Variants in BRINP3 observed in about 807,000 individuals in gnomAD.
BRINP3 encodes the protein BMP/retinoic acid inducible neural specific 3.
In BRINP3, 19 loss-of-function variants were observed where a neutral mutation model predicts 71.0. The ratio of observed to expected loss-of-function variants is 0.27; its 90% CI spans 0.19 to 0.39. BRINP3 has a LOEUF of 0.39. Among genes scored for constraint, BRINP3 ranks in the 10% least tolerant of loss-of-function variants. The pLI is 1.00. For missense variants in BRINP3, 959 were observed against 940.8 expected (o/e 1.02, Z -0.25); for synonymous variants, 380 against 337.7 (o/e 1.13, Z -1.37).
At chr1:190,357,741 T>A (rs1668832057) in intron 2 of BRINP3, among the ~76,000 whole-genome samples, 1 of 151,930 alleles carries the variant, frequency 6.6e-6, no homozygotes, top group Non-Finnish European at 1.5e-5. Flanking sequence ...TGGCATTGAA[T>A]CTATAAATTA....
chr1:190,356,623 C>A (rs894076651), intron 2 of BRINP3, among the ~76,000 whole-genome samples: 14 of 152,036 alleles, frequency 9.2e-5, no homozygotes, highest in Non-Finnish European at 1.8e-4. Flanking sequence ...AGACCTCCTG[C>A]CTCTCTTTTT....
At chr1:190,325,766 G>T (rs1666540021) in intron 2 of BRINP3, among the ~76,000 whole-genome samples, 1 of 151,970 alleles carries the variant, frequency 6.6e-6, no homozygotes, top group South Asian at 2.1e-4. Context: ...CATTTGCACT[G>T]CCCTTATCCA....
At chr1:190,205,027 A>T (rs1655373037) in intron 6 of BRINP3, among the ~76,000 whole-genome samples, 2 of 151,318 alleles carry the variant, frequency 1.3e-5, no homozygotes, top group African/African-American at 4.8e-5. Flanking sequence ...GATGTATGTA[A>T]CTTCTGAGCA....
chr1:190,195,550 C>T (rs1341435051), intron 6 of BRINP3, among the ~76,000 whole-genome samples: 4 of 151,904 alleles, frequency 2.6e-5, no homozygotes, highest in Non-Finnish European at 4.4e-5. Flanking sequence ...AACATTGACA[C>T]ATTTATTCAC....
chr1:190,213,747 G>A (rs962376105), intron 6 of BRINP3, among the ~76,000 whole-genome samples: 1 of 151,864 alleles, frequency 6.6e-6, no homozygotes, highest in Non-Finnish European at 1.5e-5. Flanking sequence ...TAATAAAATT[G>A]CACAATTGAA....
chr1:190,177,369 G>A (rs1652635590), intron 6 of BRINP3, among the ~76,000 whole-genome samples: 2 of 141,198 alleles, frequency 1.4e-5, no homozygotes, highest in Admixed American at 7.2e-5. Context: ...TAGTAGAGAC[G>A]GGGTTTCACC....
intron 7 of BRINP3, among the ~76,000 whole-genome samples, chr1:190,117,549 G>T (rs918230194): frequency 1.3e-5 from 2 of 151,772 alleles, no homozygotes; most frequent in Non-Finnish European, 2.9e-5. Context: ...GTTAGGTTGG[G>T]GAAGCAGGTG....
chr1:190,381,631 A>C (rs914625729), intron 2 of BRINP3, among the ~76,000 whole-genome samples: 2 of 152,168 alleles, frequency 1.3e-5, no homozygotes, highest in African/African-American at 2.4e-5. Context: ...CCAAATCATA[A>C]AAATATTCAT....
chr1:190,446,801 GAA>G (rs1036137491), intron 2 of BRINP3, among the ~76,000 whole-genome samples: 15 of 151,978 alleles, frequency 9.9e-5, no homozygotes, highest in Admixed American at 6.6e-4. Flanking sequence ...AGACAGAAAA[GAA>G]TACATGCCTC....
In BRINP3 at chr1:190,205,169, T is replaced by C. The variant is rs543244451; in HGVS notation, c.961+20913A>G. ...CAGATGGGTAGGAGGCAGACACCAG[T>C]TGATCTGCAACATCCATGTACTATA... is the stretch of plus-strand genomic sequence containing the variant. On this transcript the variant is annotated intron_variant, in intron 6 of 7. Transcript: ENST00000367462. Among the ~76,000 whole-genome samples the C allele has an allele frequency of 1.5e-4, 23 of 152,134 alleles. No homozygotes were observed. In the South Asian group the frequency reaches 3.1e-3, roughly 21 times the overall value.
rs531477505 is a variant in BRINP3 at position 190,340,313 on chromosome 1, TA to T, written c.237-58564del. 6.0e-3 allele frequency among the ~76,000 whole-genome samples: 909 copies of T among 152,064 alleles called. 16 individuals are homozygous for T. Among genetic ancestry groups the T allele is most frequent in the African/African-American group, 0.02 (847 of 41,566 alleles). On this transcript the variant is annotated intron_variant, in intron 2 of 7. Coordinates refer to ENST00000367462, the MANE Select transcript of BRINP3 (RefSeq NM_199051.3). ...GACATTTGCCAAACTGGGTGAGGCT[TA>T]AAAGTCTTTATTTGAGCTGCTCATC...
At chr1:190,380,830 C>T (rs566928385) in intron 2 of BRINP3, among the ~76,000 whole-genome samples, 31 of 152,014 alleles carry the variant, frequency 2.0e-4, no homozygotes, top group African/African-American at 7.0e-4. Flanking sequence ...ACAATTTGTT[C>T]GAGCTTACAA....
chr1:190,178,514 G>T (rs1202895530), intron 6 of BRINP3, among the ~76,000 whole-genome samples: 1 of 152,176 alleles, frequency 6.6e-6, no homozygotes, highest in Non-Finnish European at 1.5e-5. Flanking sequence ...TACTGTATAG[G>T]ATCTAGAAGA....
chr1:190,323,353 AATG>A (rs1178627434), intron 2 of BRINP3, among the ~76,000 whole-genome samples: 6 of 151,984 alleles, frequency 3.9e-5, no homozygotes, highest in Non-Finnish European at 5.9e-5. Context: ...TGCATACCAA[AATG>A]ATGACTTGAT....
chr1:190,401,850 CT>C (rs1671950873), intron 2 of BRINP3, among the ~76,000 whole-genome samples: 1 of 151,922 alleles, frequency 6.6e-6, no homozygotes, highest in East Asian at 1.9e-4. Flanking sequence ...TTATAATGTA[CT>C]TTTTGAAATC....
At chr1:190,289,996 G>A (rs553878895) in intron 2 of BRINP3, among the ~76,000 whole-genome samples, 20 of 151,922 alleles carry the variant, frequency 1.3e-4, no homozygotes, top group Admixed American at 2.0e-4. Context: ...AAATACACTC[G>A]GAATCATGAA....
At chr1:190,360,464 T>C (rs1464532012) in intron 2 of BRINP3, among the ~76,000 whole-genome samples, 1 of 152,166 alleles carries the variant, frequency 6.6e-6, no homozygotes, top group East Asian at 1.9e-4. Flanking sequence ...CTGAGGTGTA[T>C]CATGAGTAAG....
At chr1:190,423,734 A>G (rs1035646890) in intron 2 of BRINP3, among the ~76,000 whole-genome samples, 4 of 151,246 alleles carry the variant, frequency 2.6e-5, no homozygotes, top group African/African-American at 9.7e-5. Context: ...ATTTCTCCCA[A>G]CTCCTCCACC....
intron 3 of BRINP3, among the ~76,000 whole-genome samples, chr1:190,274,033 G>C (rs1439285258): frequency 6.6e-6 from 1 of 151,680 alleles, no homozygotes; most frequent in East Asian, 1.9e-4. Context: ...TGAAATGCAA[G>C]TGAGCCAGAT....
Sources: gnomAD v4.1 joint callset for allele counts (sites outside exome capture counted in the v4.1 genomes callset) on GRCh38, gnomAD v4.1.1 for gene constraint, MANE v1.5 for transcripts, NCBI Gene and HGNC (gene_info 2026-07-23, HGNC 2026-07-21) for gene names.